Variants in ZFP64 observed in about 807,000 individuals in gnomAD.
ZFP64 encodes zinc finger protein 64.
Under a neutral mutation model 51.6 loss-of-function variants are expected in ZFP64, and 14 were observed. The observed-to-expected ratio is 0.27, with a 90% confidence interval of 0.18 to 0.42. The LOEUF (loss-of-function observed/expected upper bound fraction) is 0.42, where lower values mean the gene tolerates loss of function less well. Among genes scored for constraint, ZFP64 ranks in the 10% least tolerant of loss-of-function variants. ZFP64 has a pLI of 1.00. For missense variants in ZFP64, 754 were observed against 906.8 expected, an observed-to-expected ratio of 0.83 and a Z score of 2.16; for synonymous variants, 375 against 361.4, an observed-to-expected ratio of 1.04 and a Z score of -0.43.
At chr20:52,084,453 C>T in exon 9 of ZFP64, 1 of 1,197,228 alleles carries the variant, frequency 8.4e-7, no homozygotes, top group East Asian at 2.5e-5. Flanking sequence ...CGGCCAGCCC[C>T]AGAAGTGGTG....
chr20:52,119,529 A>ATATATATAT (rs1555802540), intron 5 of ZFP64, among the ~76,000 whole-genome samples: 3 of 75,248 alleles, frequency 4.0e-5, no homozygotes, highest in African/African-American at 1.8e-4. Flanking sequence ...CTAAAAAAAA[A>ATATATATAT]AAAAATATAT....
intron 2 of ZFP64, among the ~76,000 whole-genome samples, chr20:52,173,440 T>A (rs1045302760): frequency 6.6e-6 from 1 of 151,984 alleles, no homozygotes; most frequent in Non-Finnish European, 1.5e-5. Flanking sequence ...ATACAAAAAA[T>A]AGCTGGGTGT....
intron 5 of ZFP64, among the ~76,000 whole-genome samples, chr20:52,154,288 T>C (rs1981129138): frequency 6.6e-6 from 1 of 152,172 alleles, no homozygotes; most frequent in African/African-American, 2.4e-5. Flanking sequence ...ATGGTCTCGC[T>C]TGATGCTGGG....
downstream of ZFP64, among the ~76,000 whole-genome samples, chr20:52,150,537 T>C (rs550962951): frequency 6.8e-6 from 1 of 146,948 alleles, no homozygotes; most frequent in African/African-American, 2.5e-5. Flanking sequence ...TGCAAGCCTT[T>C]TCTGTTTCTT....
chr20:52,094,665 A>T (rs879944394), intron 7 of ZFP64, among the ~76,000 whole-genome samples: 2 of 152,208 alleles, frequency 1.3e-5, no homozygotes, highest in Non-Finnish European at 2.9e-5. Flanking sequence ...AAGCAGAGGC[A>T]TGAGGATCAC....
At chr20:52,161,553 C>T (rs7364024) in intron 4 of ZFP64, among the ~76,000 whole-genome samples, 2,582 of 150,476 alleles carry the variant, frequency 0.017, 87 homozygotes, top group African/African-American at 0.06. Context: ...TCATTACATA[C>T]CCACAACGCG....
At chr20:52,131,733 A>G (rs1475351769) in intron 5 of ZFP64, among the ~76,000 whole-genome samples, 1 of 152,240 alleles carries the variant, frequency 6.6e-6, no homozygotes. Flanking sequence ...AAACATTATT[A>G]CAGCTAAAGA....
At chr20:52,137,105 A>AG (rs1980019036) in intron 5 of ZFP64, among the ~76,000 whole-genome samples, 1 of 152,168 alleles carries the variant, frequency 6.6e-6, no homozygotes, top group African/African-American at 2.4e-5. Context: ...TAAAGCTTGG[A>AG]GCCCTGTGAT....
intron 4 of ZFP64, among the ~76,000 whole-genome samples, chr20:52,161,676 T>C (rs377655104): frequency 6.6e-6 from 1 of 152,280 alleles, no homozygotes; most frequent in East Asian, 1.9e-4. Flanking sequence ...TGAAATGATG[T>C]GCAATAGTAA....
At chr20:52,148,208 T>C (rs1980617755), downstream of ZFP64, among the ~76,000 whole-genome samples, 1 of 152,216 alleles carries the variant, frequency 6.6e-6, no homozygotes, top group Non-Finnish European at 1.5e-5. Context: ...CTTACCTTAA[T>C]GCTAGTATAA....
intron 2 of ZFP64, among the ~76,000 whole-genome samples, chr20:52,170,662 A>G (rs1982646695): frequency 6.6e-6 from 1 of 152,158 alleles, no homozygotes; most frequent in African/African-American, 2.4e-5. Context: ...TTCCATTCCT[A>G]TCTCCTAGGG....
chr20:52,157,477 T>C (rs1178197569), intron 5 of ZFP64, among the ~76,000 whole-genome samples: 1 of 152,150 alleles, frequency 6.6e-6, no homozygotes, highest in South Asian at 2.1e-4. Context: ...TTTGCAATCT[T>C]TTTCAGAAGT....
chr20:52,107,961 C>A (rs1449099194), intron 5 of ZFP64, among the ~76,000 whole-genome samples: 1 of 152,252 alleles, frequency 6.6e-6, no homozygotes, highest in African/African-American at 2.4e-5. Flanking sequence ...CTCAGTGGCT[C>A]ATGCCTGTAG....
intron 4 of ZFP64, among the ~76,000 whole-genome samples, chr20:52,163,937 T>A (rs1982031686): frequency 6.6e-6 from 1 of 152,222 alleles, no homozygotes; most frequent in African/African-American, 2.4e-5. Context: ...TTAAAACAAG[T>A]ATTTATTAAA....
At chr20:52,126,200 C>T (rs920811477) in intron 5 of ZFP64, among the ~76,000 whole-genome samples, 8 of 152,270 alleles carry the variant, frequency 5.3e-5, no homozygotes, top group Admixed American at 1.3e-4. Flanking sequence ...GCCCGGCCCA[C>T]AACACGTATT....
chr20:52,155,187 C>T (rs114145609), intron 5 of ZFP64, among the ~76,000 whole-genome samples: 2,215 of 152,244 alleles, frequency 0.015, 59 homozygotes, highest in African/African-American at 0.051. Context: ...ACAGTCATTT[C>T]TAAATAAAGA....
chr20:52,089,883 C>G lies in ZFP64; in HGVS notation c.977-1240G>C, dbSNP rs2078904525. On this transcript the variant is annotated intron_variant, in intron 7 of 8. Transcript: ENST00000361387. ...GGGGAAGGCTGTGCATGCGCAGGAG[C>G]AGGGAGCATGTGGGAAATATCTGTA... Among the ~76,000 whole-genome samples, 3 of 152,072 alleles carry G rather than the reference C, an allele frequency of 2.0e-5. No individual in the cohort carries two copies. The South Asian group carries it at 6.2e-4, about 31-fold the overall frequency.
intron 2 of ZFP64, among the ~76,000 whole-genome samples, chr20:52,176,505 CTTT>C (rs557663780): frequency 2.9e-5 from 4 of 136,666 alleles, no homozygotes; most frequent in African/African-American, 5.5e-5. Flanking sequence ...TTCAATCTCT[CTTT>C]TTTTTTTTTT....
intron 5 of ZFP64, among the ~76,000 whole-genome samples, chr20:52,143,015 T>C (rs6013400): frequency 0.44 from 62,108 of 140,790 alleles, 19,268 homozygotes; most frequent in Non-Finnish European, 0.52. Flanking sequence ...TGACTGCAAC[T>C]TGCTGAAGGC....
Sources: allele counts gnomAD v4.1 joint callset (sites outside exome capture counted in the v4.1 genomes callset), GRCh38; gene constraint gnomAD v4.1.1; transcripts MANE v1.5; gene names NCBI Gene and HGNC (gene_info 2026-07-23, HGNC 2026-07-21).